Variants in LIN9 observed in about 807,000 individuals in gnomAD.
LIN9 encodes protein lin-9 homolog.
LIN9 carries 18 observed loss-of-function variants against 78.0 expected under a neutral mutation model. The observed-to-expected ratio is 0.23, with a 90% CI of 0.16 to 0.34. The LOEUF is 0.34. Among genes scored for constraint, LIN9 ranks in the 10% least tolerant of loss-of-function variants. The pLI is 1.00. For synonymous variants in LIN9, 192 were observed against 215.2 expected (o/e 0.89, Z 0.94); for missense variants, 451 against 644.1 (o/e 0.70, Z 3.25).
intron 4 of LIN9, among the ~76,000 whole-genome samples, chr1:226,294,449 G>A (rs1661999160): frequency 6.6e-6 from 1 of 151,732 alleles, no homozygotes; most frequent in Admixed American, 6.6e-5. Flanking sequence ...GCACATGCCT[G>A]TAATCCCAGC....
At chr1:226,253,131 C>T (rs971203665) in intron 10 of LIN9, among the ~76,000 whole-genome samples, 4 of 151,002 alleles carry the variant, frequency 2.6e-5, no homozygotes, top group African/African-American at 7.3e-5. Context: ...AGTGTGGTGG[C>T]GCCCACCTGT....
intron 6 of LIN9, among the ~76,000 whole-genome samples, chr1:226,283,722 C>G (rs1430611958): frequency 6.6e-6 from 1 of 152,046 alleles, no homozygotes; most frequent in Non-Finnish European, 1.5e-5. Flanking sequence ...CCGGGGCAGG[C>G]GGATTGCCTG....
chr1:226,272,677 G>C (rs942038123), intron 7 of LIN9, among the ~76,000 whole-genome samples: 1 of 151,546 alleles, frequency 6.6e-6, no homozygotes, highest in Non-Finnish European at 1.5e-5. Context: ...AGACTTGCTG[G>C]CTCCTTGCTT....
chr1:226,236,818 T>G (rs1227829179), intron 12 of LIN9, among the ~76,000 whole-genome samples: 1 of 152,218 alleles, frequency 6.6e-6, no homozygotes, highest in Admixed American at 6.5e-5. Context: ...TGAGTTGTAG[T>G]CGAGTTCATT....
Position 226,286,474 on chromosome 1 carries a change from A to G in LIN9, c.399-16T>C. 1 of 1,534,900 alleles carries G rather than the reference A, an allele frequency of 6.5e-7. No individual in the cohort carries two copies. Among genetic ancestry groups the G allele is most frequent in the Non-Finnish European group, 8.9e-7 (1 of 1,128,958 alleles). On this transcript the variant is annotated splice_polypyrimidine_tract_variant and intron_variant, in intron 5 of 14. Transcript: ENST00000681046. ...AAAAAGTGGTCTGTAAAACAGATAT[A>G]GTATTTTAATGGTTACATACAATGT...
intron 6 of LIN9, among the ~76,000 whole-genome samples, chr1:226,280,442 G>C (rs1458419556): frequency 6.6e-6 from 1 of 152,088 alleles, no homozygotes; most frequent in Non-Finnish European, 1.5e-5. Context: ...AGAAGATAAA[G>C]CAAAGGATAA....
chr1:226,286,135 T>C (rs1472817703), intron 6 of LIN9, among the ~76,000 whole-genome samples, 198 bp downstream of exon 6: 1 of 152,196 alleles, frequency 6.6e-6, no homozygotes, highest in Non-Finnish European at 1.5e-5. Context: ...AATTCTTTTT[T>C]AGAGGAATGG....
At chr1:226,278,049 G>A in intron 6 of LIN9, 117 bp from the exon 7 acceptor site, 1 of 785,706 alleles carries the variant, frequency 1.3e-6, no homozygotes, top group East Asian at 2.8e-5. Context: ...CTGGAGTGCA[G>A]TGGCACAATC....
At chr1:226,242,616 TC>T (rs1209674554) in intron 11 of LIN9, among the ~76,000 whole-genome samples, 1 of 152,150 alleles carries the variant, frequency 6.6e-6, no homozygotes, top group Non-Finnish European at 1.5e-5. Context: ...ATGGTGCAGG[TC>T]CACTTACATT....
At chr1:226,252,860 G>A (rs1462512987) in intron 10 of LIN9, among the ~76,000 whole-genome samples, 2 of 151,896 alleles carry the variant, frequency 1.3e-5, no homozygotes, top group East Asian at 1.9e-4. Context: ...CCAGCTACTC[G>A]GCAGGCTGAG....
At chr1:226,297,880 G>T (rs1454811878) in intron 2 of LIN9, 67 bp from the exon 3 acceptor site, 2 of 734,674 alleles carry the variant, frequency 2.7e-6, no homozygotes, top group South Asian at 6.3e-5. Context: ...CATGAATACT[G>T]TTTTTTTCAT....
chr1:226,269,409 A>G (rs1660124092), intron 7 of LIN9, among the ~76,000 whole-genome samples: 1 of 152,224 alleles, frequency 6.6e-6, no homozygotes, highest in Admixed American at 6.5e-5. Context: ...AACAAGTACA[A>G]ACCTGAATGA....
intron 2 of LIN9, among the ~76,000 whole-genome samples, chr1:226,298,613 G>C (rs1162838788): frequency 6.6e-6 from 1 of 152,182 alleles, no homozygotes; most frequent in Non-Finnish European, 1.5e-5. Flanking sequence ...ATAATTCCAG[G>C]ACTTTGGGAG....
chr1:226,286,793 G>C (rs1661403572), intron 5 of LIN9, among the ~76,000 whole-genome samples: 1 of 152,156 alleles, frequency 6.6e-6, no homozygotes, highest in Non-Finnish European at 1.5e-5. Flanking sequence ...TGTCCCAAAG[G>C]AATACCATCA....
intron 1 of LIN9, 25 bp downstream of exon 1, chr1:226,309,084 G>A (rs373300005): frequency 6.7e-5 from 88 of 1,310,880 alleles, no homozygotes; most frequent in Non-Finnish European, 8.4e-5. Flanking sequence ...GGGAAAAGGG[G>A]GGGGTGCTTT....
chr1:226,240,836 C>G (rs1356693455), intron 11 of LIN9, among the ~76,000 whole-genome samples: 2 of 152,206 alleles, frequency 1.3e-5, no homozygotes, highest in Non-Finnish European at 2.9e-5. Flanking sequence ...AGGCATGTGC[C>G]ACTATGCCTG....
At chr1:226,305,821 G>A (rs1436171727) in intron 1 of LIN9, among the ~76,000 whole-genome samples, 1 of 152,214 alleles carries the variant, frequency 6.6e-6, no homozygotes, top group Non-Finnish European at 1.5e-5. Flanking sequence ...GTTTGTAACA[G>A]GAGGATGACA....
intron 11 of LIN9, among the ~76,000 whole-genome samples, chr1:226,243,920 G>A (rs1345617147): frequency 6.6e-6 from 1 of 151,044 alleles, no homozygotes; most frequent in Non-Finnish European, 1.5e-5. Flanking sequence ...TGTCGCCCAG[G>A]CTGGAGTGCA....
rs570910256 is a variant in LIN9, at chr1:226,265,725, G to T, written c.937-91C>A. On this transcript the variant is annotated intron_variant, in intron 9 of 14. Coordinates refer to ENST00000681046, the MANE Select transcript of LIN9 (RefSeq NM_001366245.2). The surrounding 1 kb of genome is among the most constrained non-coding windows in gnomAD (Gnocchi z 4.1). ...TTTATTTTTTTTTAGACGGAGTCTC[G>T]CTCTGTTGCCACTTGTGATCTCGGC... 7 of 656,990 alleles carry T rather than the reference G, an allele frequency of 1.1e-5. No individual in the cohort carries two copies. The highest frequency in any genetic ancestry group is 1.8e-5 in the Non-Finnish European group (7 of 393,714). The allele number at this position is 656,990 out of a possible 1,614,324, so 40.7% of individuals were successfully genotyped here.
Sources: gnomAD v4.1 joint callset for allele counts (sites outside exome capture counted in the v4.1 genomes callset) on GRCh38, gnomAD v4.1.1 for gene constraint, Gnocchi (gnomAD v3.1) non-coding constraint, MANE v1.5 for transcripts, NCBI Gene and HGNC (gene_info 2026-07-23, HGNC 2026-07-21) for gene names.